CSMD3: variants seen among roughly 807,000 people sequenced by gnomAD.
CSMD3 encodes CUB and sushi domain-containing protein 3.
Under a neutral mutation model 435.2 loss-of-function variants are expected in CSMD3, and 177 were observed. The observed-to-expected ratio is 0.41, with a 90% CI of 0.36 to 0.46. The LOEUF (loss-of-function observed/expected upper bound fraction) is 0.46, where lower values mean the gene tolerates loss of function less well. Among genes scored for constraint, CSMD3 ranks in the 20% least tolerant of loss-of-function variants. CSMD3 has a pLI of 0.34. For missense variants in CSMD3, 4,265 were observed against 4,504.6 expected (o/e 0.95, Z 1.52); for synonymous variants, 1,656 against 1,520.5 (o/e 1.09, Z -2.07).
At chr8:112,510,718 G>C (rs148762797) in intron 28 of CSMD3, among the ~76,000 whole-genome samples, 1 of 151,836 alleles carries the variant, frequency 6.6e-6, no homozygotes, top group Admixed American at 6.6e-5. Context: ...TGCCCATCTC[G>C]GTCATTTCTT....
At chr8:112,822,358 G>C (rs1186679481) in intron 12 of CSMD3, among the ~76,000 whole-genome samples, 1 of 151,930 alleles carries the variant, frequency 6.6e-6, no homozygotes, top group Admixed American at 6.6e-5. Context: ...TCCTTGAAGA[G>C]GTCCTTCACA....
chr8:112,989,217 A>G (rs2085360194), intron 6 of CSMD3, among the ~76,000 whole-genome samples: 1 of 152,038 alleles, frequency 6.6e-6, no homozygotes, highest in South Asian at 2.1e-4. Flanking sequence ...AATAAAATGA[A>G]AGAGTTATTT....
rs1174711734 is a variant in CSMD3, at chr8:113,059,193, G to C, written c.917+39563C>G. 2.0e-5 allele frequency among the ~76,000 whole-genome samples: 3 copies of C among 152,146 alleles called. No homozygotes were observed. In the East Asian group the frequency reaches 5.8e-4, roughly 29 times the overall value. The stretch of plus-strand genomic sequence containing the variant: ...CCCTGTAGGCATCTCAAAGCAATTT[G>C]GATGATTTTATTTTGTGTAAGTTAG... On this transcript the variant is annotated intron_variant, in intron 5 of 70. Transcript: ENST00000297405.
At chr8:112,266,956 T>C (rs1817007800) in intron 59 of CSMD3, among the ~76,000 whole-genome samples, 1 of 152,186 alleles carries the variant, frequency 6.6e-6, no homozygotes, top group African/African-American at 2.4e-5. Context: ...CTAAATCTTT[T>C]GGTTCATAAA....
intron 27 of CSMD3, among the ~76,000 whole-genome samples, chr8:112,546,608 G>A (rs1827203289): frequency 6.6e-6 from 1 of 152,184 alleles, no homozygotes; most frequent in Admixed American, 6.5e-5. Flanking sequence ...CTACTATTCT[G>A]TGGGCAAATG....
At position 112,976,197 on chromosome 8, in the gene CSMD3, GT is replaced by G. The variant is rs1193510840; in HGVS notation, c.1031-50del. The G allele has an allele frequency of 4.4e-6, 7 of 1,596,800 alleles. No homozygotes were observed. The Admixed American group carries it at 1.2e-4, about 27-fold the overall frequency. On this transcript the variant is annotated intron_variant, in intron 6 of 70. Transcript: ENST00000297405. ...TGCTAACTTTTTCTTTTTAAATTTT[GT>G]TTATTTTTTCTGATAAATTTAATCA...
At chr8:112,700,589 T>G (rs1372322988) in intron 13 of CSMD3, among the ~76,000 whole-genome samples, 1 of 152,244 alleles carries the variant, frequency 6.6e-6, no homozygotes, top group Admixed American at 6.5e-5. Context: ...GCCTAGATTT[T>G]AATGAAGAGA....
At chr8:113,251,688 T>C (rs987744717) in intron 3 of CSMD3, among the ~76,000 whole-genome samples, 2 of 152,002 alleles carry the variant, frequency 1.3e-5, no homozygotes, top group South Asian at 2.1e-4. Flanking sequence ...CTAGGATATA[T>C]TGGGAGCATT....
chr8:113,166,123 T>G (rs1482155291), intron 4 of CSMD3, among the ~76,000 whole-genome samples: 1 of 152,130 alleles, frequency 6.6e-6, no homozygotes, highest in Non-Finnish European at 1.5e-5. Context: ...AATACAAAAC[T>G]CAATAGATTG....
intron 7 of CSMD3, among the ~76,000 whole-genome samples, chr8:112,967,416 T>C (rs1288134499): frequency 6.6e-6 from 1 of 151,880 alleles, no homozygotes; most frequent in Non-Finnish European, 1.5e-5. Flanking sequence ...TACCTTACTC[T>C]CCTCCTGGTG....
At chr8:113,147,468 T>C (rs1268306418) in intron 4 of CSMD3, among the ~76,000 whole-genome samples, 1 of 151,696 alleles carries the variant, frequency 6.6e-6, no homozygotes, top group Admixed American at 6.6e-5. Flanking sequence ...CTCTGCTTTT[T>C]TATGATCTTA....
At chr8:112,821,019 T>C (rs995326600) in intron 12 of CSMD3, among the ~76,000 whole-genome samples, 3 of 152,228 alleles carry the variant, frequency 2.0e-5, no homozygotes, top group African/African-American at 7.2e-5. Context: ...TTCCATGATG[T>C]ATATGTACCA....
intron 50 of CSMD3, among the ~76,000 whole-genome samples, chr8:112,306,461 T>C (rs554194899): frequency 8.9e-4 from 136 of 152,288 alleles, no homozygotes; most frequent in African/African-American, 3.2e-3. Flanking sequence ...GGTGATCATG[T>C]GCATGGTTAT....
intron 16 of CSMD3, among the ~76,000 whole-genome samples, chr8:112,672,892 C>T (rs2075690538): frequency 6.6e-6 from 1 of 152,056 alleles, no homozygotes. Context: ...CTTCAGACTG[C>T]ATTCAGATAA....
rs186874392 is a variant in CSMD3 at position 112,728,482 on chromosome 8, G to A, written c.1973-38432C>T. 5.3e-5 allele frequency among the ~76,000 whole-genome samples: 8 copies of A among 151,986 alleles called. No individual in the cohort carries two copies. The East Asian group carries it at 1.5e-3, about 29-fold the overall frequency. On this transcript the variant is annotated intron_variant, in intron 13 of 70. Transcript: ENST00000297405. ...TCCTATATTTCTACTTTTTGAGAAC[G>A]AAGACTGTTAACAGTTTTACTCTTT...
At chr8:113,071,754 T>A (rs1056542335) in intron 5 of CSMD3, among the ~76,000 whole-genome samples, 1 of 151,904 alleles carries the variant, frequency 6.6e-6, no homozygotes, top group Non-Finnish European at 1.5e-5. Flanking sequence ...CCAGTTTTGT[T>A]CTTCTTGTTC....
chr8:113,275,459 G>A (rs67017686), intron 3 of CSMD3, among the ~76,000 whole-genome samples: 15,831 of 152,002 alleles, frequency 0.1, 958 homozygotes, highest in Middle Eastern at 0.17. Context: ...TATGTAAGTG[G>A]GGCCAAGAAT....
At chr8:112,416,351 G>A (rs1811912364) in intron 32 of CSMD3, among the ~76,000 whole-genome samples, 1 of 152,152 alleles carries the variant, frequency 6.6e-6, no homozygotes. Context: ...TTTCTACCAT[G>A]ATTGTAAGTT....
intron 6 of CSMD3, among the ~76,000 whole-genome samples, chr8:112,990,646 T>C (rs1221711596): frequency 6.6e-6 from 1 of 151,928 alleles, no homozygotes; most frequent in Non-Finnish European, 1.5e-5. Context: ...AAGACAGATT[T>C]TGTTAGTTTC....
Sources: allele counts gnomAD v4.1 joint callset (sites outside exome capture counted in the v4.1 genomes callset), GRCh38; gene constraint gnomAD v4.1.1; transcripts MANE v1.5; gene names NCBI Gene and HGNC (gene_info 2026-07-23, HGNC 2026-07-21).